The following ITGA9 variants were observed in gnomAD, a reference collection of about 807,000 sequenced individuals.
ITGA9 encodes integrin alpha-9.
ITGA9 carries 56 observed loss-of-function variants against 127.8 expected under a neutral mutation model. The ratio of observed to expected loss-of-function variants is 0.44; its 90% CI spans 0.35 to 0.55. The LOEUF (loss-of-function observed/expected upper bound fraction) is 0.55. Among genes scored for constraint, ITGA9 ranks in the 20% least tolerant of loss-of-function variants. ITGA9 has a pLI of 0.00. For synonymous variants in ITGA9, 508 were observed against 514.5 expected, an observed-to-expected ratio of 0.99 and a Z score of 0.17; for missense variants, 1,196 against 1,347.1, an observed-to-expected ratio of 0.89 and a Z score of 1.76.
At chr3:37,511,756 G>A (rs898272662) in intron 8 of ITGA9, among the ~76,000 whole-genome samples, 1 of 152,146 alleles carries the variant, frequency 6.6e-6, no homozygotes, top group Non-Finnish European at 1.5e-5. Flanking sequence ...TATCACTGGG[G>A]AAGGATTTCT....
intron 17 of ITGA9, among the ~76,000 whole-genome samples, chr3:37,660,002 A>G (rs1331101183): frequency 2.7e-5 from 4 of 149,178 alleles, no homozygotes; most frequent in Admixed American, 6.6e-5. Context: ...ACACACACAC[A>G]CGCACACACA....
At chr3:37,477,843 T>A (rs1698509420) in intron 3 of ITGA9, among the ~76,000 whole-genome samples, 1 of 152,204 alleles carries the variant, frequency 6.6e-6, no homozygotes, top group African/African-American at 2.4e-5. Flanking sequence ...CAGTATTCTC[T>A]GGTTCTCTTT....
intron 27 of ITGA9, among the ~76,000 whole-genome samples, chr3:37,815,448 A>C (rs1049984931): frequency 6.6e-6 from 1 of 152,092 alleles, no homozygotes; most frequent in African/African-American, 2.4e-5. Flanking sequence ...GTCTCTACTA[A>C]AAATATGAAA....
chr3:37,605,028 G>T (rs775158877), intron 15 of ITGA9, among the ~76,000 whole-genome samples: 2 of 152,202 alleles, frequency 1.3e-5, no homozygotes, highest in African/African-American at 4.8e-5. Context: ...GATAGCAAGT[G>T]AATGTATAAT....
At chr3:37,646,796 C>CT (rs1040245603) in intron 16 of ITGA9, among the ~76,000 whole-genome samples, 3 of 152,024 alleles carry the variant, frequency 2.0e-5, no homozygotes, top group African/African-American at 4.8e-5. Context: ...AGGCTGAGGC[C>CT]TTTTTTTAAA....
chr3:37,801,389 G>A (rs1280393997), intron 26 of ITGA9, among the ~76,000 whole-genome samples: 3 of 152,202 alleles, frequency 2.0e-5, no homozygotes, highest in Non-Finnish European at 4.4e-5. Flanking sequence ...CATGCATTTA[G>A]CATTTGGTAT....
intron 15 of ITGA9, among the ~76,000 whole-genome samples, chr3:37,549,132 A>T (rs1037703785): frequency 3.3e-5 from 5 of 152,218 alleles, no homozygotes; most frequent in African/African-American, 1.2e-4. Context: ...CTGGGAGGCC[A>T]TGTTGTGCAT....
intron 17 of ITGA9, among the ~76,000 whole-genome samples, chr3:37,669,384 C>T (rs1441399768): frequency 1.3e-5 from 2 of 152,192 alleles, no homozygotes; most frequent in African/African-American, 2.4e-5. Context: ...AGGCTAGATT[C>T]CCCCTGTGCC....
intron 3 of ITGA9, 59 bp downstream of exon 3, chr3:37,473,519 G>A (rs1579048207): frequency 1.6e-6 from 2 of 1,281,986 alleles, no homozygotes; most frequent in East Asian, 2.3e-5. Context: ...TGAATGATCT[G>A]TTAGGAAGGC....
At chr3:37,782,382 C>T (rs1236088533) in intron 25 of ITGA9, among the ~76,000 whole-genome samples, 3 of 152,224 alleles carry the variant, frequency 2.0e-5, no homozygotes, top group Non-Finnish European at 4.4e-5. Context: ...TCTATCCCGG[C>T]AGCCAGTGGT....
chr3:37,730,553 A>C (rs1696275531), intron 18 of ITGA9, among the ~76,000 whole-genome samples: 1 of 152,170 alleles, frequency 6.6e-6, no homozygotes, highest in South Asian at 2.1e-4. Flanking sequence ...CAGCTATGTA[A>C]ACACCTATGT....
At chr3:37,574,456 A>G (rs773898755) in intron 15 of ITGA9, among the ~76,000 whole-genome samples, 1 of 152,084 alleles carries the variant, frequency 6.6e-6, no homozygotes, top group Admixed American at 6.5e-5. Flanking sequence ...TTTTTTTCCT[A>G]TTATTCTTTC....
intron 1 of ITGA9, among the ~76,000 whole-genome samples, chr3:37,470,475 G>A (rs1698419107): frequency 6.6e-6 from 1 of 152,060 alleles, no homozygotes; most frequent in Non-Finnish European, 1.5e-5. Context: ...TGCATTTATT[G>A]GCCATTTGGC....
rs368782461 is a variant in ITGA9 at position 37,799,258 on chromosome 3, A to T, written c.2890-4565A>T. 6.6e-6 allele frequency among the ~76,000 whole-genome samples: 1 copy of T among 152,242 alleles called. No homozygotes were observed. Among genetic ancestry groups the T allele is most frequent in the East Asian group, 1.9e-4 (1 of 5,186 alleles). On this transcript the variant is annotated intron_variant, in intron 26 of 27. Transcript: ENST00000264741. This position sits in a 1 kb window ranked among gnomAD's most constrained non-coding sequence, Gnocchi z 4.0. ...CAGTGGTGCCACCTTGACTCACTGC[A>T]GCCTCCACCTCCCGGGCTCAAGTGA...
intron 16 of ITGA9, among the ~76,000 whole-genome samples, chr3:37,636,446 G>C (rs1700279760): frequency 6.6e-6 from 1 of 152,214 alleles, no homozygotes; most frequent in African/African-American, 2.4e-5. Flanking sequence ...AGAAATGTCT[G>C]TTCATATCCC....
At chr3:37,494,476 C>T in intron 4 of ITGA9, 25 bp from the exon 5 acceptor site, 1 of 1,557,948 alleles carries the variant, frequency 6.4e-7, no homozygotes, top group Non-Finnish European at 8.8e-7. Flanking sequence ...CTGTGGTTTG[C>T]TTCTCTCTCC....
intron 18 of ITGA9, among the ~76,000 whole-genome samples, chr3:37,727,584 T>G (rs995699164): frequency 1.4e-4 from 21 of 152,244 alleles, no homozygotes; most frequent in Non-Finnish European, 2.1e-4. Context: ...AAAAGATTAT[T>G]TGCTTTATTA....
rs142696907 is a variant in ITGA9 at position 37,578,782 on chromosome 3, T to C, written c.1689+36197T>C. ...TGTCTGAGCTATTTCTGTATCCAGG[T>C]CCCCAAGAGGGCTACAGGGAAAACT... On this transcript the variant is annotated intron_variant, in intron 15 of 27. Transcript: ENST00000264741. 4.4e-3 allele frequency among the ~76,000 whole-genome samples: 675 copies of C among 151,982 alleles called. 3 individuals are homozygous for C. The highest frequency in any genetic ancestry group is 0.016 in the African/African-American group (647 of 41,444).
intron 23 of ITGA9, among the ~76,000 whole-genome samples, chr3:37,754,809 C>T (rs1372814233): frequency 1.3e-5 from 2 of 152,072 alleles, no homozygotes; most frequent in Non-Finnish European, 2.9e-5. Context: ...CCATGATGTA[C>T]GATGGGTATC....
Sources: gnomAD v4.1 joint callset for allele counts (sites outside exome capture counted in the v4.1 genomes callset) on GRCh38, gnomAD v4.1.1 for gene constraint, Gnocchi (gnomAD v3.1) non-coding constraint, MANE v1.5 for transcripts, NCBI Gene and HGNC (gene_info 2026-07-23, HGNC 2026-07-21) for gene names.